Variants in PLEKHG7 observed in about 807,000 individuals in gnomAD.
PLEKHG7 encodes pleckstrin homology and RhoGEF domain containing G7.
PLEKHG7 carries 77 observed loss-of-function variants against 85.2 expected under a neutral mutation model. The observed-to-expected ratio is 0.90, with a 90% CI of 0.75 to 1.09. The LOEUF (loss-of-function observed/expected upper bound fraction) is 1.09, where lower values mean the gene tolerates loss of function less well. Among genes scored for constraint, PLEKHG7 ranks in the 50% least tolerant of loss-of-function variants. PLEKHG7 has a pLI of 0.00. For missense variants in PLEKHG7, 777 were observed against 804.3 expected, an observed-to-expected ratio of 0.97 and a Z score of 0.41; for synonymous variants, 301 against 302.4, an observed-to-expected ratio of 1.00 and a Z score of 0.05.
Position 92,729,043 on chromosome 12 carries a change from A to G in PLEKHG7, c.581A>G (p.Glu194Gly). The change falls in exon 4 of 17, where the codon GAG (glutamate) becomes GGG (glycine). Residue 194 changes from glutamate (E) to glycine (G), a missense_variant. Transcript: ENST00000344636. The part of the protein sequence containing the change: ...SSVVLNLPGL[E>G]VFPGDLLVSD... ...GTGGTGCTGAACTTACCTGGACTTG[A>G]GGTGTTCCCCGGGGACCTTCTGGTG... 1 of 1,231,810 alleles carries G rather than the reference A, an allele frequency of 8.1e-7. No homozygotes were observed. Among genetic ancestry groups the G allele is most frequent in the Non-Finnish European group, 1.0e-6 (1 of 987,818 alleles). The allele number at this position is 1,231,810 out of a possible 1,614,324, so 76.3% of individuals were successfully genotyped here.
Position 92,755,949 on chromosome 12 carries a change from A to C in PLEKHG7, c.1542+9A>C. ...GGTTTTTCATTCCAGAGGTACAAAA[A>C]AAAAATCAATTAGGACTTATGTCCA... On this transcript the variant is annotated intron_variant, in intron 12 of 16. Coordinates refer to ENST00000344636, the MANE Select transcript of PLEKHG7 (RefSeq NM_001377329.1). The C allele has an allele frequency of 6.3e-7, 1 of 1,576,550 alleles. No individual in the cohort carries two copies. Among genetic ancestry groups the C allele is most frequent in the Non-Finnish European group, 8.7e-7 (1 of 1,154,988 alleles).
chr12:92,748,450 G>A (rs1441121220), intron 10 of PLEKHG7, among the ~76,000 whole-genome samples: 2 of 152,066 alleles, frequency 1.3e-5, no homozygotes, highest in Non-Finnish European at 2.9e-5. Context: ...GCTTCACTAT[G>A]TTGGCCAGGC....
At position 92,706,616 on chromosome 12, in the gene PLEKHG7, A is replaced by G. The variant is rs775237742; in HGVS notation, c.-16A>G. 1.3e-6 allele frequency: 2 copies of G among 1,586,674 alleles called. No homozygotes were observed. Among genetic ancestry groups the G allele is most frequent in the South Asian group, 2.3e-5 (2 of 86,832 alleles). On this transcript the variant is annotated 5_prime_UTR_variant, in exon 2 of 17. An upstream open reading frame in the 5' UTR loses its in-frame stop. Coordinates refer to ENST00000344636, the MANE Select transcript of PLEKHG7 (RefSeq NM_001377329.1). ...TCTTCTGGAACCTTCTACCAACAGT[A>G]GAACCTCTTAGCTTTATGGAGAAAA...
At chr12:92,705,908 T>C (rs1871216368) in intron 1 of PLEKHG7, among the ~76,000 whole-genome samples, 1 of 152,224 alleles carries the variant, frequency 6.6e-6, no homozygotes. Flanking sequence ...TGGTGATGTC[T>C]GGGTTTTTCT....
At chr12:92,749,271 TTTAA>T (rs1002611601) in intron 10 of PLEKHG7, among the ~76,000 whole-genome samples, 2 of 152,164 alleles carry the variant, frequency 1.3e-5, no homozygotes, top group South Asian at 2.1e-4. Context: ...CTGTTTGTTT[TTTAA>T]TTAATTAATT....
At chr12:92,734,288 C>G (rs1274199862) in intron 5 of PLEKHG7, among the ~76,000 whole-genome samples, 3 of 151,928 alleles carry the variant, frequency 2.0e-5, no homozygotes, top group African/African-American at 7.3e-5. Flanking sequence ...TCCTTCCTTT[C>G]CTCCTTCCTT....
At chr12:92,740,642 A>G (rs1176748372) in intron 7 of PLEKHG7, among the ~76,000 whole-genome samples, 1 of 152,146 alleles carries the variant, frequency 6.6e-6, no homozygotes, top group Non-Finnish European at 1.5e-5. Flanking sequence ...AGCAACCACA[A>G]CTTTCATACT....
intron 3 of PLEKHG7, among the ~76,000 whole-genome samples, chr12:92,713,765 A>AGGC (rs1412991721): frequency 3.9e-5 from 6 of 152,084 alleles, no homozygotes; most frequent in Non-Finnish European, 7.4e-5. Context: ...CTTCCTCTAC[A>AGGC]TTAAACTGAG....
chr12:92,705,980 G>A (rs1394585), intron 1 of PLEKHG7, among the ~76,000 whole-genome samples: 77,053 of 152,072 alleles, frequency 0.51, 20,654 homozygotes, highest in East Asian at 0.93. Context: ...GATAAAAGAC[G>A]TTGTCAGATA....
intron 3 of PLEKHG7, among the ~76,000 whole-genome samples, chr12:92,720,277 G>A (rs985315094): frequency 1.3e-5 from 2 of 151,418 alleles, no homozygotes; most frequent in Non-Finnish European, 2.9e-5. Flanking sequence ...GCCTCTGTTC[G>A]TCTTCACATA....
intron 7 of PLEKHG7, among the ~76,000 whole-genome samples, chr12:92,738,355 C>G (rs1872242964): frequency 6.6e-6 from 1 of 152,196 alleles, no homozygotes. Context: ...GCCCACCGCA[C>G]TTTTGCATCC....
At chr12:92,736,076 G>A (rs1015665055) in intron 5 of PLEKHG7, among the ~76,000 whole-genome samples, 3 of 152,150 alleles carry the variant, frequency 2.0e-5, no homozygotes, top group Admixed American at 1.3e-4. Context: ...TAAATTAAGG[G>A]TTGAACCAAT....
chr12:92,733,297 C>G (rs1050988737), intron 5 of PLEKHG7, among the ~76,000 whole-genome samples: 3 of 152,162 alleles, frequency 2.0e-5, no homozygotes, highest in African/African-American at 4.8e-5. Flanking sequence ...GAGCCTACCC[C>G]AGAGCTGAGC....
rs893941646 is a variant in PLEKHG7 at position 92,772,057 on chromosome 12, A to G, written c.*1862A>G. ...CGAATGAAGGGATCACGGGGGTCAGAACAAAAACCATTCTAGAACCGTGGC... is the reference window on the plus strand; with the variant it reads ...CGAATGAAGGGATCACGGGGGTCAGGACAAAAACCATTCTAGAACCGTGGC... On this transcript the variant is annotated 3_prime_UTR_variant, in exon 17 of 17. Coordinates refer to ENST00000344636, the MANE Select transcript of PLEKHG7 (RefSeq NM_001377329.1). The G allele has an allele frequency of 4.0e-5, 6 of 151,886 alleles. No individual in the cohort carries two copies. Among genetic ancestry groups the G allele is most frequent in the African/African-American group, 1.4e-4 (6 of 41,388 alleles). 9.4% of individuals were successfully genotyped at this position (151,886 alleles called of 1,614,324 possible).
chr12:92,727,499 G>A (rs1871849260), intron 3 of PLEKHG7, among the ~76,000 whole-genome samples: 1 of 152,090 alleles, frequency 6.6e-6, no homozygotes, highest in South Asian at 2.1e-4. Flanking sequence ...TTATAAGCGA[G>A]AGAATGTGAT....
intron 3 of PLEKHG7, among the ~76,000 whole-genome samples, chr12:92,720,337 T>A (rs1013923794): frequency 6.6e-6 from 1 of 151,848 alleles, no homozygotes; most frequent in Admixed American, 6.6e-5. Context: ...TTTTTTTTCT[T>A]TTTTTTGAGA....
chr12:92,745,388 T>TCACTATGTTGGCCAGGCTGGTCTTGA lies in PLEKHG7; in HGVS notation c.1138-90_1138-89insCACTATGTTGGCCAGGCTGGTCTTGA. On this transcript the variant is annotated intron_variant, in intron 9 of 16. Coordinates refer to ENST00000344636, the MANE Select transcript of PLEKHG7 (RefSeq NM_001377329.1). ...CTCCTCCACTTTTCCCTGTTCTAGT[T>TCACTATGTTGGCCAGGCTGGTCTTGA]AATGATAAAAGTGAGGAGAAACACT... 3.5e-6 allele frequency: 3 copies of TCACTATGTTGGCCAGGCTGGTCTTGA among 854,078 alleles called. No individual in the cohort carries two copies. In the African/African-American group the frequency reaches 5.6e-5, roughly 16 times the overall value. The allele number at this position is 854,078 out of a possible 1,614,324, so 52.9% of individuals were successfully genotyped here.
At chr12:92,737,887 A>G (rs17041076) in intron 7 of PLEKHG7, among the ~76,000 whole-genome samples, 7,077 of 152,220 alleles carry the variant, frequency 0.046, 542 homozygotes, top group African/African-American at 0.16. Flanking sequence ...GTCTCTTTAT[A>G]CTTTAACATT....
Position 92,706,851 on chromosome 12 carries a change from T to C in PLEKHG7, c.220T>C (p.Trp74Arg). 6.2e-7 allele frequency: 1 copy of C among 1,613,928 alleles called. No individual in the cohort carries two copies. The highest frequency in any genetic ancestry group is 8.5e-7 in the Non-Finnish European group (1 of 1,180,004). Residue 74 changes from tryptophan to arginine, a missense_variant, in exon 2 of 17, where the codon TGG becomes CGG. Transcript: ENST00000344636. The stretch of plus-strand genomic sequence containing the variant: ...CTGGCAGGTGACCACCTGGGGAAGC[T>C]GGGGAGCTCCTGTGGGCTTCCCATG... Reference protein sequence around the residue: ...DAWQVTTWGSWGAPVGFPCYL... With the variant: ...DAWQVTTWGSRGAPVGFPCYL...
Sources: allele counts gnomAD v4.1 joint callset (sites outside exome capture counted in the v4.1 genomes callset), GRCh38; gene constraint gnomAD v4.1.1; transcripts MANE v1.5; gene names NCBI Gene and HGNC (gene_info 2026-07-23, HGNC 2026-07-21).